Variants in PDE8B observed in about 807,000 individuals in gnomAD.
PDE8B encodes phosphodiesterase 8B, also known as high affinity cAMP-specific and IBMX-insensitive 3',5'-cyclic phosphodiesterase 8B.
PDE8B carries 26 observed loss-of-function variants against 101.3 expected under a neutral mutation model. That is an observed-to-expected ratio of 0.26 (90% CI 0.19 to 0.36). PDE8B has a LOEUF of 0.36. Ranked by LOEUF, PDE8B falls within the 10% of genes least tolerant of loss-of-function variation. PDE8B has a pLI of 1.00. For missense variants in PDE8B, 810 were observed against 1,163.1 expected, an observed-to-expected ratio of 0.70 and a Z score of 4.42; for synonymous variants, 424 against 429.3, an observed-to-expected ratio of 0.99 and a Z score of 0.15.
At chr5:77,360,347 G>C (rs1381670067) in intron 10 of PDE8B, among the ~76,000 whole-genome samples, 1 of 152,140 alleles carries the variant, frequency 6.6e-6, no homozygotes, top group Non-Finnish European at 1.5e-5. Flanking sequence ...CCGGAGGCTT[G>C]TACTAATTAA....
chr5:77,340,600 A>AGTGTGTGTGTGTGTGTGT (rs34764404), intron 6 of PDE8B, among the ~76,000 whole-genome samples: 144 of 140,160 alleles, frequency 1.0e-3, no homozygotes, highest in African/African-American at 3.4e-3. Context: ...GCAGCCTCAC[A>AGTGTGTGTGTGTGTGTGT]GTGTGTGTGT....
chr5:77,132,421 C>T, the PDE8B span, among the ~76,000 whole-genome samples: 3 of 152,176 alleles, frequency 2.0e-5, no homozygotes, highest in Admixed American at 6.5e-5. Context: ...GACAGTTCTT[C>T]TTATAATATG....
intron 1 of PDE8B, among the ~76,000 whole-genome samples, chr5:77,222,861 A>T (rs995801813): frequency 6.6e-6 from 1 of 152,210 alleles, no homozygotes; most frequent in Admixed American, 6.5e-5. Context: ...AATTAAGGTC[A>T]GGCTTTCTAA....
At chr5:77,424,471 T>C (rs1797474130) in intron 20 of PDE8B, among the ~76,000 whole-genome samples, 1 of 152,222 alleles carries the variant, frequency 6.6e-6, no homozygotes, top group Non-Finnish European at 1.5e-5. Flanking sequence ...TGAATGATGA[T>C]GGCCTTAGTT....
At chr5:77,147,265 AC>A in the PDE8B span, 8 of 255,428 alleles carry the variant, frequency 3.1e-5, no homozygotes, top group Non-Finnish European at 6.3e-5. Context: ...AGGCTGTGTA[AC>A]ATTTGTTTTT....
intron 3 of PDE8B, among the ~76,000 whole-genome samples, chr5:77,328,252 C>A (rs1776433321): frequency 6.6e-6 from 1 of 152,158 alleles, no homozygotes; most frequent in Non-Finnish European, 1.5e-5. Context: ...CAGAACAGTG[C>A]AGAATCTGGG....
intron 2 of PDE8B, among the ~76,000 whole-genome samples, chr5:77,321,323 G>T (rs1775028552): frequency 6.6e-6 from 1 of 151,794 alleles, no homozygotes; most frequent in South Asian, 2.1e-4. Context: ...GGCTAATTTT[G>T]TATTTTTGGT....
the PDE8B span, among the ~76,000 whole-genome samples, chr5:77,135,473 A>ATTTTT: frequency 3.3e-5 from 4 of 121,514 alleles, no homozygotes; most frequent in African/African-American, 6.5e-5. Context: ...AGCCAGAGGA[A>ATTTTT]TTTTTTTTTT....
At chr5:77,291,998 TAA>T (rs962335348) in intron 1 of PDE8B, among the ~76,000 whole-genome samples, 2 of 141,322 alleles carry the variant, frequency 1.4e-5, no homozygotes, top group Non-Finnish European at 3.1e-5. Context: ...GTTACAACAT[TAA>T]AAAAAAAAAA....
chr5:77,256,479 G>T (rs948116465), intron 1 of PDE8B, among the ~76,000 whole-genome samples: 24 of 152,122 alleles, frequency 1.6e-4, no homozygotes, highest in Non-Finnish European at 7.4e-5. Context: ...CCATAGATTT[G>T]CCATTATTCA....
Position 77,351,201 on chromosome 5 carries a change from G to A in PDE8B, c.1106+48G>A, listed in dbSNP as rs568008186. 2.5e-5 allele frequency: 34 copies of A among 1,353,784 alleles called. No homozygotes were observed. In the South Asian group the frequency reaches 3.8e-4, roughly 15 times the overall value. The allele number at this position is 1,353,784 out of a possible 1,614,324, so 83.9% of individuals were successfully genotyped here. On this transcript the variant is annotated intron_variant, in intron 9 of 21. Coordinates refer to ENST00000264917, the MANE Select transcript of PDE8B (RefSeq NM_003719.5). The stretch of plus-strand genomic sequence containing the variant: ...TTTTAGCTGAAGATAAAGACTCAAG[G>A]CCCTCATGGGCATTGGGCTTGAAAT...
chr5:77,291,089 C>T, intron 1 of PDE8B: 1 of 1,610,614 alleles, frequency 6.2e-7, no homozygotes, highest in Non-Finnish European at 8.5e-7. Context: ...GAAACAGTAC[C>T]ATTATTGCCT....
At chr5:77,299,065 C>T (rs190092667) in intron 1 of PDE8B, among the ~76,000 whole-genome samples, 72 of 152,308 alleles carry the variant, frequency 4.7e-4, no homozygotes, top group Admixed American at 1.8e-3. Flanking sequence ...CTTTGTATGT[C>T]TCCTGGCCCT....
chr5:77,099,851 C>A, the PDE8B span, among the ~76,000 whole-genome samples: 1 of 152,140 alleles, frequency 6.6e-6, no homozygotes, highest in Non-Finnish European at 1.5e-5. Flanking sequence ...CTCTGGTGAT[C>A]CACCTGCCTC....
intron 14 of PDE8B, 29 bp downstream of exon 14, chr5:77,409,086 A>T (rs1386485649): frequency 6.2e-7 from 1 of 1,606,044 alleles, no homozygotes. Flanking sequence ...CCTGAAAAGC[A>T]AGAGAGGTAT....
chr5:77,156,510 G>A, the PDE8B span, among the ~76,000 whole-genome samples: 1 of 152,146 alleles, frequency 6.6e-6, no homozygotes, highest in African/African-American at 2.4e-5. Flanking sequence ...TGCCTATTAC[G>A]TACTGCTGTC....
At position 77,358,517 on chromosome 5, in the gene PDE8B, G is replaced by A. The variant is rs1782524660; in HGVS notation, c.1167+5111G>A. On this transcript the variant is annotated intron_variant, in intron 10 of 21. Transcript: ENST00000264917. ...CCTCTTCGTACTTCCTCCTATGTAT[G>A]CCCCATAGACATCAGGAAATTATTT... is the stretch of plus-strand genomic sequence containing the variant. 5.2e-6 allele frequency: 4 copies of A among 763,470 alleles called. No homozygotes were observed. In the South Asian group the frequency reaches 2.4e-4, roughly 45 times the overall value. The allele number at this position is 763,470 out of a possible 1,614,324, so 47.3% of individuals were successfully genotyped here. A position where few individuals can be genotyped will look rare whatever the true frequency, so the allele number is the denominator to read the frequency against.
chr5:77,311,189 C>T (rs1247558577), intron 1 of PDE8B, among the ~76,000 whole-genome samples: 2 of 152,200 alleles, frequency 1.3e-5, no homozygotes, highest in Middle Eastern at 3.4e-3. Flanking sequence ...AGGTCAAGAC[C>T]GTCAACCAAA....
intron 1 of PDE8B, among the ~76,000 whole-genome samples, chr5:77,282,931 G>A (rs1356988563): frequency 6.6e-6 from 1 of 151,810 alleles, no homozygotes. Context: ...CTGACCTCGG[G>A]GAGCACTCCC....
Sources: allele counts gnomAD v4.1 joint callset (sites outside exome capture counted in the v4.1 genomes callset), GRCh38; gene constraint gnomAD v4.1.1; transcripts MANE v1.5; gene names NCBI Gene and HGNC (gene_info 2026-07-23, HGNC 2026-07-21).